The following PKD1 variants were observed in gnomAD, a reference collection of about 807,000 sequenced individuals.
PKD1 encodes polycystin 1, transient receptor potential channel interacting.
Under a neutral mutation model 361.7 loss-of-function variants are expected in PKD1, and 81 were observed. The observed-to-expected ratio is 0.22, with a 90% confidence interval of 0.19 to 0.27. The LOEUF is 0.27. Ranked by LOEUF, PKD1 falls within the 10% of genes least tolerant of loss-of-function variation. The pLI is 1.00. For missense variants in PKD1, 6,399 were observed against 6,118.3 expected (o/e 1.05, Z -1.53); for synonymous variants, 3,615 against 2,818.3 (o/e 1.28, Z -8.95).
Position 2,090,367 on chromosome 16 carries a change from G to A in PKD1, c.12362C>T (p.Ala4121Val). Residue 4121 changes from alanine (A) to valine (V), a missense_variant, in exon 45 of 46, where the codon GCC becomes GTC. Coordinates refer to ENST00000262304, the MANE Select transcript of PKD1 (RefSeq NM_001009944.3). ...CATCTCGTAGTCCTGGGGCTCCCAG[G>A]CCGGCCGGTACAGCTCTCCACGCAA... ...HALRGELYRP[A>V]WEPQDYEMVE... The A allele has an allele frequency of 6.2e-7, 1 of 1,612,636 alleles. No individual in the cohort carries two copies. Among genetic ancestry groups the A allele is most frequent in the Non-Finnish European group, 8.5e-7 (1 of 1,179,906 alleles).
intron 34 of PKD1, among the ~76,000 whole-genome samples, chr16:2,096,054 A>G (rs1219985320): frequency 2.0e-5 from 3 of 152,246 alleles, no homozygotes; most frequent in African/African-American, 7.2e-5. Flanking sequence ...TTGCTTAACA[A>G]TGAGAAGCAC....
In PKD1 at chr16:2,103,901, G is replaced by A. The variant is rs762686275; in HGVS notation, c.8162-6C>T. On this transcript the variant is annotated splice_region_variant and splice_polypyrimidine_tract_variant and intron_variant, in intron 22 of 45. Transcript: ENST00000262304. ...GGCCAGGTGGATGAGGTCTCCTGCA[G>A]ACATGCGTGAGGTCAGTGCAGAGAC... The A allele has an allele frequency of 1.5e-5, 21 of 1,424,320 alleles. No individual in the cohort carries two copies. In the South Asian group the frequency reaches 1.9e-4, roughly 13 times the overall value. The allele number at this position is 1,424,320 out of a possible 1,614,324, so 88.2% of individuals were successfully genotyped here.
chr16:2,103,534 G>C lies in PKD1; in HGVS notation c.8523C>G (p.Asn2841Lys), dbSNP rs1400124462. The change falls in exon 23 of 46, where the codon AAC becomes AAG. Residue 2841 changes from asparagine (N) to lysine (K), a missense_variant. Coordinates refer to ENST00000262304, the MANE Select transcript of PKD1 (RefSeq NM_001009944.3). Reference protein sequence around the residue: ...SNPFPFGYISNYTVSTKVASM... With the variant: ...SNPFPFGYISKYTVSTKVASM... ...AGGCCACCTTGGTGGAGACGGTGTAGTTGCTGATATAGCCAAAGGGAAAGG... is the reference window on the plus strand; with the variant it reads ...AGGCCACCTTGGTGGAGACGGTGTACTTGCTGATATAGCCAAAGGGAAAGG... The C allele has an allele frequency of 2.5e-6, 4 of 1,608,176 alleles. No individual in the cohort carries two copies. In the Admixed American group the frequency reaches 6.7e-5, roughly 27 times the overall value.
Position 2,111,808 on chromosome 16 carries a change from A to G in PKD1, c.3359T>C (p.Val1120Ala). 3.1e-6 allele frequency: 5 copies of G among 1,610,006 alleles called. No individual in the cohort carries two copies. Among genetic ancestry groups the G allele is most frequent in the Non-Finnish European group, 3.4e-6 (4 of 1,179,446 alleles). ...AFENLTQQVP[V>A]SVRASLPSVA... ...GGAGGGCAGGGAGGCGCGCACGCTC[A>G]CAGGCACCTGCTGCGTCAGGTTCTC... Residue 1120 changes from valine to alanine, a missense_variant, in exon 15 of 46, where the codon GTG becomes GCG. Coordinates refer to ENST00000262304, the MANE Select transcript of PKD1 (RefSeq NM_001009944.3).
chr16:2,090,968 G>A lies in PKD1; in HGVS notation c.11919C>T (p.Arg3973=), dbSNP rs963387958. 5 of 1,543,018 alleles carry A rather than the reference G, an allele frequency of 3.2e-6. No homozygotes were observed. In the South Asian group the frequency reaches 3.5e-5, roughly 11 times the overall value. The change falls in exon 43 of 46, where the codon CGC becomes CGT. Residue 3973 remains arginine, a synonymous_variant. Transcript: ENST00000262304. ...WTRFVRGRPR[R]FTSFDQVAQL... is the part of the protein sequence containing the mutation. Reference sequence around the variant, plus strand: ...GCGCCACCTGGTCGAAGCTAGTGAAGCGGCGCGGGCGGCCGCGCACGAAAC... The same window carrying A: ...GCGCCACCTGGTCGAAGCTAGTGAAACGGCGCGGGCGGCCGCGCACGAAAC...
At chr16:2,096,834 A>G in intron 34 of PKD1, 1 of 445,510 alleles carries the variant, frequency 2.2e-6, no homozygotes, top group South Asian at 2.9e-5. Context: ...GGGTATTTAA[A>G]AACCCGCCCA....
In PKD1 at chr16:2,104,660, T is replaced by G; in HGVS notation, c.8017-18A>C. The G allele has an allele frequency of 7.0e-7, 1 of 1,431,272 alleles. No individual in the cohort carries two copies. The highest frequency in any genetic ancestry group is 9.6e-7 in the Non-Finnish European group (1 of 1,043,142). The allele number at this position is 1,431,272 out of a possible 1,614,324, so 88.7% of individuals were successfully genotyped here. A position where few individuals can be genotyped will look rare whatever the true frequency, so the allele number is the denominator to read the frequency against. On this transcript the variant is annotated intron_variant, in intron 21 of 45. Transcript: ENST00000262304. ...CTGGGCCCCTGTGTGGAGCCAGCAG[T>G]GTCCAGCCCCGCTCCTGGCCCCACT...
Position 2,112,887 on chromosome 16 carries a change from C to G in PKD1, c.3062G>C (p.Gly1021Ala), listed in dbSNP as rs1450710552. ...VTVERMNRMQ[G>A]LQVSTVPAVL... ...GGCCGGCACTGTGGAGACCTGCAGACCCTGCATCCTGTTCATCCGCTCCAC... is the reference window on the plus strand; with the variant it reads ...GGCCGGCACTGTGGAGACCTGCAGAGCCTGCATCCTGTTCATCCGCTCCAC... Residue 1021 changes from glycine (G) to alanine (A), a missense_variant, in exon 13 of 46, where the codon GGT (glycine) becomes GCT (alanine). Gly to Ala is a moderately conservative substitution (Grantham distance 60). Transcript: ENST00000262304. 1.2e-6 allele frequency: 2 copies of G among 1,607,062 alleles called. No homozygotes were observed. The highest frequency in any genetic ancestry group is 3.3e-5 in the Admixed American group (2 of 59,994).
chr16:2,123,238 A>C (rs74002783), intron 1 of PKD1, among the ~76,000 whole-genome samples: 18,900 of 152,148 alleles, frequency 0.12, 1,413 homozygotes, highest in Middle Eastern at 0.19. Flanking sequence ...AAATGCAGCA[A>C]GGTCTTGGGG....
chr16:2,106,627 G>A lies in PKD1; in HGVS notation c.7260C>T (p.Thr2420=). 15 of 1,597,486 alleles carry A rather than the reference G, an allele frequency of 9.4e-6. No homozygotes were observed. Among genetic ancestry groups the A allele is most frequent in the African/African-American group, 1.3e-5 (1 of 74,914 alleles). ...FSNKTLVLDE[T]TTSTGSAGMR... ...TGCCTGCACTGCCCGTGGATGTGGT[G>A]GTCTCATCCAGCACCAGCGTCTTGT... The change falls in exon 18 of 46, where the codon ACC becomes ACT. Residue 2420 remains threonine, a synonymous_variant. Transcript: ENST00000262304. The surrounding 1 kb of genome is among the most constrained non-coding windows in gnomAD (Gnocchi z 6.5).
rs751652400 is a variant in PKD1, at chr16:2,103,261, C to A, written c.8791+5G>T. The A allele has an allele frequency of 6.2e-7, 1 of 1,609,304 alleles. No individual in the cohort carries two copies. Among genetic ancestry groups the A allele is most frequent in the Non-Finnish European group, 8.5e-7 (1 of 1,179,442 alleles). On this transcript the variant is annotated splice_donor_5th_base_variant and intron_variant, in intron 23 of 45. Coordinates refer to ENST00000262304, the MANE Select transcript of PKD1 (RefSeq NM_001009944.3). ...GGCCGCGTGTGCCCCACCCGCTGCA[C>A]GCACCGTCCAGCAGCGTATAGTTGA...
At position 2,099,715 on chromosome 16, in the gene PKD1, G is replaced by A. The variant is rs1219626353; in HGVS notation, c.9979C>T (p.Leu3327=). ...PLSVDTVAVG[L]VSSVVVYPVY... ...GGATAGACAACCACGCTGGACACCA[G>A]GCCAACAGCGACTGTGTCGACGCTC... Residue 3327 remains leucine (L), a synonymous_variant, in exon 30 of 46, where the codon CTG becomes TTG. Coordinates refer to ENST00000262304, the MANE Select transcript of PKD1 (RefSeq NM_001009944.3). 4 of 1,582,670 alleles carry A rather than the reference G, an allele frequency of 2.5e-6. No homozygotes were observed. The highest frequency in any genetic ancestry group is 1.7e-5 in the Admixed American group (1 of 57,578).
In PKD1 at chr16:2,100,532, C is replaced by T; in HGVS notation, c.9432G>A (p.Gly3144=). Residue 3144 remains glycine (G), a synonymous_variant, in exon 27 of 46, where the codon GGG becomes GGA. Transcript: ENST00000262304. This position sits in a 1 kb window ranked among gnomAD's most constrained non-coding sequence, Gnocchi z 4.4. The stretch of plus-strand genomic sequence containing the variant: ...GCCGGTGGCCGCTCCGGCTGTCCAC[C>T]CCATACAGCATGATGCCCACGTGGG... The part of the protein sequence containing the change: ...TTAHVGIMLY[G]VDSRSGHRHL... The T allele has an allele frequency of 6.2e-7, 1 of 1,610,584 alleles. No homozygotes were observed. The highest frequency in any genetic ancestry group is 8.5e-7 in the Non-Finnish European group (1 of 1,179,666).
chr16:2,094,657 A>C, intron 34 of PKD1: 1 of 238,556 alleles, frequency 4.2e-6, no homozygotes. Flanking sequence ...AAACATATGA[A>C]TGCCTTTCAA....
In PKD1 at chr16:2,097,616, G is replaced by A. The variant is rs905557036; in HGVS notation, c.10220+112C>T. On this transcript the variant is annotated intron_variant, in intron 32 of 45. Transcript: ENST00000262304. ...TTCCGAGCAAACCTGCTCCCGGGTG[G>A]TGTGACCACATGGAGCCACAGACAC... The A allele has an allele frequency of 3.7e-6, 6 of 1,610,124 alleles. No individual in the cohort carries two copies. The African/African-American group carries it at 8.0e-5, about 22-fold the overall frequency.
rs960359165 is a variant in PKD1 at position 2,088,795 on chromosome 16, A to C, written c.*932T>G. The C allele has an allele frequency of 1.2e-6, 1 of 801,362 alleles. No homozygotes were observed. The highest frequency in any genetic ancestry group is 1.9e-6 in the Non-Finnish European group (1 of 518,458). The allele number at this position is 801,362 out of a possible 1,614,324, so 49.6% of individuals were successfully genotyped here. ...AGGCTCTAGAAGCGGCCATGCCCAC[A>C]GAAGTGGTACACAGAAGCAGGCACA... On this transcript the variant is annotated 3_prime_UTR_variant, in exon 46 of 46. Coordinates refer to ENST00000262304, the MANE Select transcript of PKD1 (RefSeq NM_001009944.3).
chr16:2,090,601 G>C lies in PKD1; in HGVS notation c.12139-11C>G. 10 of 1,608,440 alleles carry C rather than the reference G, an allele frequency of 6.2e-6. No homozygotes were observed. The highest frequency in any genetic ancestry group is 8.5e-6 in the Non-Finnish European group (10 of 1,179,710). The stretch of plus-strand genomic sequence containing the variant: ...ACAGGAAGACACGAGCTGCGGGGAA[G>C]GCGACACCAGTGAGGGCGTACAGCT... On this transcript the variant is annotated splice_polypyrimidine_tract_variant and intron_variant, in intron 44 of 45. Coordinates refer to ENST00000262304, the MANE Select transcript of PKD1 (RefSeq NM_001009944.3).
intron 1 of PKD1, among the ~76,000 whole-genome samples, chr16:2,132,456 T>C (rs1485290208): frequency 4.0e-5 from 6 of 148,588 alleles, no homozygotes; most frequent in Non-Finnish European, 7.4e-5. Context: ...TAAACCCAGC[T>C]ACCAGGTACT....
rs541542149 is a variant in PKD1, at chr16:2,107,643, G to A, written c.7065+240C>T. The A allele has an allele frequency of 3.5e-5, 21 of 603,496 alleles. 1 individual carries two copies. The highest frequency in any genetic ancestry group is 4.4e-4 in the Middle Eastern group (1 of 2,272). The allele number at this position is 603,496 out of a possible 1,614,324, so 37.4% of individuals were successfully genotyped here. A position where few individuals can be genotyped will look rare whatever the true frequency, so the allele number is the denominator to read the frequency against. On this transcript the variant is annotated intron_variant, in intron 16 of 45. Transcript: ENST00000262304. The stretch of plus-strand genomic sequence containing the variant: ...GGGGCTCTTCCTCACTGTTGGTATT[G>A]CTAGGGGACTGTGTAGCTTTTGCCA...
Sources: gnomAD v4.1 joint callset for allele counts (sites outside exome capture counted in the v4.1 genomes callset) on GRCh38, gnomAD v4.1.1 for gene constraint, Gnocchi (gnomAD v3.1) non-coding constraint, MANE v1.5 for transcripts, NCBI Gene and HGNC (gene_info 2026-07-23, HGNC 2026-07-21) for gene names.